Variants in IL1RAPL1 observed in about 807,000 individuals in gnomAD.
IL1RAPL1 encodes the protein interleukin-1 receptor accessory protein-like 1.
Under a neutral mutation model 48.4 loss-of-function variants are expected in IL1RAPL1, and 3 were observed. The ratio of observed to expected loss-of-function variants is 0.06; its 90% CI spans 0.03 to 0.16. The LOEUF (loss-of-function observed/expected upper bound fraction) is 0.16, where lower values mean the gene tolerates loss of function less well. Ranked by LOEUF, IL1RAPL1 falls within the 10% of genes least tolerant of loss-of-function variation. IL1RAPL1 has a pLI of 1.00. For synonymous variants in IL1RAPL1, 185 were observed against 187.7 expected (o/e 0.99, Z 0.12); for missense variants, 349 against 530.6 (o/e 0.66, Z 3.36).
intron 3 of IL1RAPL1, among the ~76,000 whole-genome samples, chrX:29,363,592 A>G: frequency 9.0e-6 from 1 of 111,593 alleles, no homozygotes; most frequent in Non-Finnish European, 1.9e-5. Context: ...AGTCATTTAT[A>G]AAGAAAGGGG....
At chrX:29,661,143 A>G (rs1186472793) in intron 5 of IL1RAPL1, among the ~76,000 whole-genome samples, 1 of 112,212 alleles carries the variant, frequency 8.9e-6, no homozygotes, top group Admixed American at 9.4e-5. Flanking sequence ...GTGTATAGAA[A>G]TGCTACTAAT....
intron 6 of IL1RAPL1, among the ~76,000 whole-genome samples, chrX:29,802,274 T>C (rs1212393020): frequency 8.9e-6 from 1 of 112,295 alleles, no homozygotes; most frequent in South Asian, 3.7e-4. Flanking sequence ...ATTGATGTTT[T>C]CCAAGCTTGA....
chrX:29,022,044 C>G (rs1440643556), intron 2 of IL1RAPL1, among the ~76,000 whole-genome samples: 1 of 111,777 alleles, frequency 8.9e-6, no homozygotes, highest in Admixed American at 9.6e-5. Context: ...TTTTTGGATT[C>G]CCTTTTTGGA....
intron 1 of IL1RAPL1, among the ~76,000 whole-genome samples, chrX:28,760,217 T>G (rs997936000): frequency 9.0e-6 from 1 of 111,480 alleles, no homozygotes; most frequent in African/African-American, 3.3e-5. Flanking sequence ...TTATATGCTA[T>G]TAGTGCAACC....
intron 2 of IL1RAPL1, among the ~76,000 whole-genome samples, chrX:29,004,049 G>T (rs1199961000): frequency 1.8e-5 from 2 of 111,075 alleles, no homozygotes; most frequent in African/African-American, 6.6e-5. Flanking sequence ...AACTGAGGCA[G>T]GAGAATCACT....
intron 2 of IL1RAPL1, among the ~76,000 whole-genome samples, chrX:29,134,747 G>T (rs1445343126): frequency 9.0e-6 from 1 of 110,686 alleles, no homozygotes; most frequent in Non-Finnish European, 1.9e-5. Flanking sequence ...CCTCTTTCAG[G>T]CTCCTTTGGT....
intron 2 of IL1RAPL1, among the ~76,000 whole-genome samples, chrX:29,162,019 A>G (rs1352533736): frequency 2.7e-5 from 3 of 112,229 alleles, no homozygotes; most frequent in Admixed American, 9.5e-5. Flanking sequence ...ATGGAATACT[A>G]TGCAGCCATA....
chrX:29,303,017 G>A (rs1213099637), intron 3 of IL1RAPL1, among the ~76,000 whole-genome samples: 1 of 112,261 alleles, frequency 8.9e-6, no homozygotes, highest in African/African-American at 3.2e-5. Flanking sequence ...TTTTCTACCA[G>A]CTCCCTACCT....
chrX:29,450,157 A>G (rs961352179), intron 5 of IL1RAPL1, among the ~76,000 whole-genome samples: 3 of 112,066 alleles, frequency 2.7e-5, no homozygotes, highest in Non-Finnish European at 3.8e-5. Context: ...CAATTTTAGC[A>G]TAATAGATAG....
intron 3 of IL1RAPL1, among the ~76,000 whole-genome samples, chrX:29,368,540 C>T (rs991697968): frequency 1.8e-5 from 2 of 109,686 alleles, no homozygotes; most frequent in African/African-American, 6.6e-5. Flanking sequence ...TGCCACCATG[C>T]TCAGCTAAGT....
intron 2 of IL1RAPL1, among the ~76,000 whole-genome samples, chrX:29,183,418 A>G (rs990087461): frequency 5.4e-5 from 6 of 111,399 alleles, no homozygotes; most frequent in Admixed American, 1.9e-4. Context: ...AAATCCTGTT[A>G]TTTCTCTGCC....
At chrX:29,198,283 T>G (rs1185305787) in intron 2 of IL1RAPL1, among the ~76,000 whole-genome samples, 2 of 105,522 alleles carry the variant, frequency 1.9e-5, no homozygotes, top group African/African-American at 3.5e-5. Flanking sequence ...AGATTTTAGG[T>G]TTTTTTTTTC....
intron 6 of IL1RAPL1, among the ~76,000 whole-genome samples, chrX:29,770,822 T>G (rs758114809): frequency 8.9e-6 from 1 of 112,415 alleles, no homozygotes; most frequent in East Asian, 2.8e-4. Context: ...AACATACAAC[T>G]TCCAGATTCA....
chrX:29,171,059 C>T (rs1461474755), intron 2 of IL1RAPL1, among the ~76,000 whole-genome samples: 7 of 111,038 alleles, frequency 6.3e-5, no homozygotes, highest in South Asian at 3.8e-4. Context: ...TACAGTGGCA[C>T]GATCTCGGCT....
At chrX:29,456,111 C>T (rs908882738) in intron 5 of IL1RAPL1, among the ~76,000 whole-genome samples, 1 of 111,320 alleles carries the variant, frequency 9.0e-6, no homozygotes, top group Admixed American at 9.6e-5. Context: ...CCCATGTCTA[C>T]CCAAAAATAG....
At chrX:28,673,334 C>T (rs995499386) in intron 1 of IL1RAPL1, among the ~76,000 whole-genome samples, 8 of 111,935 alleles carry the variant, frequency 7.1e-5, no homozygotes, top group African/African-American at 2.6e-4. Flanking sequence ...ACACCATATA[C>T]AAAAGTTAAC....
Position 28,815,882 on chromosome X carries a change from T to TAA in IL1RAPL1, c.82+26458_82+26459insAA, listed in dbSNP as rs1555926464. 9.5e-4 allele frequency among the ~76,000 whole-genome samples: 72 copies of TAA among 75,487 alleles called. 1 individual carries two copies. The highest frequency in any genetic ancestry group is 3.3e-3 in the African/African-American group (68 of 20,696). 65.6% of individuals were successfully genotyped at this position (75,487 alleles called of 115,157 possible). ...ATATATATATATATATATATATATA[T>TAA]ATAATTTTTTTCTTAACCATTCATC... On this transcript the variant is annotated intron_variant, in intron 2 of 10. Transcript: ENST00000378993.
chrX:28,859,361 C>T (rs752943651), intron 2 of IL1RAPL1, among the ~76,000 whole-genome samples: 9 of 111,756 alleles, frequency 8.1e-5, no homozygotes, highest in Non-Finnish European at 1.7e-4. Flanking sequence ...TGGGTTCAAG[C>T]GATTCTTCTG....
At chrX:29,527,842 A>C (rs967144862) in intron 5 of IL1RAPL1, among the ~76,000 whole-genome samples, 3 of 112,074 alleles carry the variant, frequency 2.7e-5, no homozygotes, top group Admixed American at 1.9e-4. Flanking sequence ...CTGTAGAAAG[A>C]TGGACAAAAA....
Sources: allele counts gnomAD v4.1 joint callset (sites outside exome capture counted in the v4.1 genomes callset), GRCh38; gene constraint gnomAD v4.1.1; transcripts MANE v1.5; gene names NCBI Gene and HGNC (gene_info 2026-07-23, HGNC 2026-07-21).